TSHZ2: variants seen among roughly 807,000 people sequenced by gnomAD.
TSHZ2 encodes the protein teashirt homolog 2.
TSHZ2 carries 21 observed loss-of-function variants against 74.4 expected under a neutral mutation model. That is an observed-to-expected ratio of 0.28 (90% CI 0.20 to 0.41). TSHZ2 has a LOEUF of 0.41. Ranked by LOEUF, TSHZ2 falls within the 10% of genes least tolerant of loss-of-function variation. TSHZ2 has a pLI of 1.00. For missense variants in TSHZ2, 1,244 were observed against 1,293.5 expected, an observed-to-expected ratio of 0.96 and a Z score of 0.59; for synonymous variants, 540 against 515.3, an observed-to-expected ratio of 1.05 and a Z score of -0.65.
At chr20:53,243,786 T>A (rs1990129168) in intron 1 of TSHZ2, among the ~76,000 whole-genome samples, 1 of 152,064 alleles carries the variant, frequency 6.6e-6, no homozygotes, top group Admixed American at 6.5e-5. Context: ...ATGTAGCTTT[T>A]CTGAGAGAAC....
At chr20:53,243,857 G>A (rs1282166758) in intron 1 of TSHZ2, among the ~76,000 whole-genome samples, 1 of 148,816 alleles carries the variant, frequency 6.7e-6, no homozygotes, top group African/African-American at 2.5e-5. Flanking sequence ...TCTTCTTAAT[G>A]GGTAGTGGTC....
At chr20:53,312,056 G>C (rs1978814599) in intron 2 of TSHZ2, among the ~76,000 whole-genome samples, 1 of 152,074 alleles carries the variant, frequency 6.6e-6, no homozygotes, top group Non-Finnish European at 1.5e-5. Context: ...ACTCTAGCCT[G>C]GGTGACAGAG....
At chr20:52,973,427 AAG>A (rs1802773049) in intron 1 of TSHZ2, 94 bp downstream of exon 1, 11 of 1,491,596 alleles carry the variant, frequency 7.4e-6, no homozygotes, top group Admixed American at 2.1e-5. Context: ...CCACCCACTT[AAG>A]CTTTCGGGGG....
chr20:53,167,370 A>ATATAGGTG (rs1568791619), intron 1 of TSHZ2, among the ~76,000 whole-genome samples: 1 of 152,190 alleles, frequency 6.6e-6, no homozygotes, highest in Non-Finnish European at 1.5e-5. Flanking sequence ...TATTTTCACT[A>ATATAGGTG]TATAGGTGAG....
intron 1 of TSHZ2, among the ~76,000 whole-genome samples, chr20:53,110,370 T>C (rs6097236): frequency 6.6e-6 from 1 of 151,976 alleles, no homozygotes. Flanking sequence ...TCCGGCCCTC[T>C]CTTGCTGCTC....
rs112739289 is a variant in TSHZ2, at chr20:53,004,685, T to C, written c.40+31352T>C. The stretch of plus-strand genomic sequence containing the variant: ...GTGTCCTAGGTGCACACAAAAGAAA[T>C]GTGTGGGCGTCCGTGTGACATCACA... On this transcript the variant is annotated intron_variant, in intron 1 of 2. Coordinates refer to ENST00000371497, the MANE Select transcript of TSHZ2 (RefSeq NM_173485.6). Among the ~76,000 whole-genome samples, 685 of 152,230 alleles carry C rather than the reference T, an allele frequency of 4.5e-3. 3 individuals carry two copies. Among genetic ancestry groups the C allele is most frequent in the Non-Finnish European group, 6.7e-3 (457 of 68,014 alleles).
At chr20:52,988,766 C>T (rs1981866027) in intron 1 of TSHZ2, among the ~76,000 whole-genome samples, 2 of 152,020 alleles carry the variant, frequency 1.3e-5, no homozygotes, top group African/African-American at 4.8e-5. Flanking sequence ...ATCATGAAAA[C>T]CCCCAACACA....
At chr20:53,201,785 T>C (rs989504011) in intron 1 of TSHZ2, among the ~76,000 whole-genome samples, 2 of 152,112 alleles carry the variant, frequency 1.3e-5, no homozygotes, top group Admixed American at 1.3e-4. Flanking sequence ...CTATGCATTG[T>C]TAAATGTTTG....
chr20:53,375,801 G>A (rs569581164), intron 2 of TSHZ2, among the ~76,000 whole-genome samples: 2 of 152,162 alleles, frequency 1.3e-5, no homozygotes, highest in South Asian at 2.1e-4. Context: ...TTGGGACCTC[G>A]GTCAAGTTAA....
chr20:53,482,134 A>AAAG (rs1986169268), intron 2 of TSHZ2, among the ~76,000 whole-genome samples: 1 of 148,886 alleles, frequency 6.7e-6, no homozygotes, highest in Non-Finnish European at 1.5e-5. Flanking sequence ...AAAAAAAAAA[A>AAAG]GTAACTATAC....
intron 1 of TSHZ2, among the ~76,000 whole-genome samples, chr20:53,102,415 AGAAAG>A (rs971789488): frequency 6.6e-6 from 1 of 151,104 alleles, no homozygotes; most frequent in Non-Finnish European, 1.5e-5. Context: ...AAGAAAAGAA[AGAAAG>A]GAAAGGGAAA....
At chr20:53,181,829 A>G (rs1398209883) in intron 1 of TSHZ2, among the ~76,000 whole-genome samples, 1 of 152,212 alleles carries the variant, frequency 6.6e-6, no homozygotes, top group Non-Finnish European at 1.5e-5. Flanking sequence ...CGGAGCTTGC[A>G]GTGAGCCAAG....
Position 53,002,810 on chromosome 20 carries a change from TAATA to T in TSHZ2, c.40+29481_40+29484del, listed in dbSNP as rs746347989. On this transcript the variant is annotated intron_variant, in intron 1 of 2. Transcript: ENST00000371497. The stretch of plus-strand genomic sequence containing the variant: ...CATTCTCCAGGTACGACGTGTGTAT[TAATA>T]AATCAATAGAAGTTTATCTGTGAGC... 1.1e-3 allele frequency among the ~76,000 whole-genome samples: 174 copies of T among 152,280 alleles called. 1 individual carries two copies. Among genetic ancestry groups the T allele is most frequent in the Admixed American group, 3.3e-3 (51 of 15,304 alleles).
chr20:53,272,071 G>C (rs545882913), intron 2 of TSHZ2, among the ~76,000 whole-genome samples: 1 of 151,954 alleles, frequency 6.6e-6, no homozygotes, highest in Non-Finnish European at 1.5e-5. Flanking sequence ...GAGTGCAGTG[G>C]TGCGATTTCG....
intron 1 of TSHZ2, among the ~76,000 whole-genome samples, chr20:53,005,149 TAA>T (rs551098811): frequency 3.2e-4 from 49 of 151,832 alleles, no homozygotes; most frequent in African/African-American, 1.2e-3. Context: ...CTGTCTCTAC[TAA>T]AAATACAAAA....
chr20:53,206,991 T>C (rs1039264583), intron 1 of TSHZ2, among the ~76,000 whole-genome samples: 1 of 152,226 alleles, frequency 6.6e-6, no homozygotes, highest in African/African-American at 2.4e-5. Flanking sequence ...TCCATTTCAG[T>C]TTGCGGTGCC....
intron 2 of TSHZ2, among the ~76,000 whole-genome samples, chr20:53,309,972 C>T (rs1978709492): frequency 6.6e-6 from 1 of 152,222 alleles, no homozygotes; most frequent in Non-Finnish European, 1.5e-5. Context: ...AAATGAATAG[C>T]TCTGAAAGCC....
intron 2 of TSHZ2, among the ~76,000 whole-genome samples, chr20:53,483,633 A>T (rs1429686892): frequency 6.6e-6 from 1 of 152,224 alleles, no homozygotes; most frequent in Non-Finnish European, 1.5e-5. Flanking sequence ...TGAATCTTAA[A>T]TAGGGAAGAA....
In TSHZ2 at chr20:53,163,774, G is replaced by A. The variant is rs557848510; in HGVS notation, c.41-89725G>A. ...TTCCCAGTGGCTTGACTGCAACCTG[G>A]TGAGAGATTCTGAATCAGATTCACT... is the stretch of plus-strand genomic sequence containing the variant. On this transcript the variant is annotated intron_variant, in intron 1 of 2. Transcript: ENST00000371497. Among the ~76,000 whole-genome samples the A allele has an allele frequency of 3.9e-5, 6 of 152,286 alleles. No homozygotes were observed. In the South Asian group the frequency reaches 1.0e-3, roughly 26 times the overall value.
Sources: gnomAD v4.1 joint callset for allele counts (sites outside exome capture counted in the v4.1 genomes callset) on GRCh38, gnomAD v4.1.1 for gene constraint, MANE v1.5 for transcripts, NCBI Gene and HGNC (gene_info 2026-07-23, HGNC 2026-07-21) for gene names.